FBXO11: variants seen among roughly 807,000 people sequenced by gnomAD.
FBXO11 encodes the protein F-box protein 11.
In FBXO11, 13 loss-of-function variants were observed where a neutral mutation model predicts 117.0. That is an observed-to-expected ratio of 0.11 (90% CI 0.07 to 0.18). The LOEUF (loss-of-function observed/expected upper bound fraction) is 0.18, where lower values mean the gene tolerates loss of function less well. FBXO11 is among the 10% of genes least tolerant of loss of function. The pLI is 1.00. For missense variants in FBXO11, 767 were observed against 1,164.4 expected, an observed-to-expected ratio of 0.66 and a Z score of 4.97; for synonymous variants, 490 against 380.5, an observed-to-expected ratio of 1.29 and a Z score of -3.35.
rs1228299882 is a variant in FBXO11, at chr2:47,905,831, GA to G, written c.-112del. ...AGAGTGGGAGAGGGGGGAGGAAGGA[GA>G]GGGGGCGAGGGGAAGGGGAGACGCT... On this transcript the variant is annotated 5_prime_UTR_variant, in exon 1 of 23. Transcript: ENST00000403359. 1 of 590,386 alleles carries G rather than the reference GA, an allele frequency of 1.7e-6. No individual in the cohort carries two copies. The highest frequency in any genetic ancestry group is 2.1e-5 in the African/African-American group (1 of 48,366). 36.6% of individuals were successfully genotyped at this position (590,386 alleles called of 1,614,324 possible).
chr2:47,848,492 A>G (rs1158287212), intron 1 of FBXO11, among the ~76,000 whole-genome samples: 1 of 152,244 alleles, frequency 6.6e-6, no homozygotes, highest in South Asian at 2.1e-4. Context: ...TGTCTTCCAT[A>G]AAACCAGTCA....
At chr2:47,873,984 G>T (rs1326172260) in intron 1 of FBXO11, among the ~76,000 whole-genome samples, 1 of 152,114 alleles carries the variant, frequency 6.6e-6, no homozygotes, top group African/African-American at 2.4e-5. Flanking sequence ...GGAGGCCGAG[G>T]TGGGTGGATC....
chr2:47,830,592 T>C (rs1043882546), intron 11 of FBXO11, among the ~76,000 whole-genome samples: 1 of 152,252 alleles, frequency 6.6e-6, no homozygotes, highest in Non-Finnish European at 1.5e-5. Context: ...TGAAATACTT[T>C]ATAAATCTTA....
intron 11 of FBXO11, among the ~76,000 whole-genome samples, chr2:47,830,199 C>A (rs1343025840): frequency 6.6e-6 from 1 of 151,784 alleles, no homozygotes; most frequent in Non-Finnish European, 1.5e-5. Context: ...ATCTTTCAAG[C>A]AAAGAAGAAA....
chr2:47,892,528 G>T (rs1454747995), intron 1 of FBXO11, among the ~76,000 whole-genome samples: 1 of 152,170 alleles, frequency 6.6e-6, no homozygotes, highest in Non-Finnish European at 1.5e-5. Flanking sequence ...CTCACATGAT[G>T]CAGAAATAGA....
At chr2:47,819,964 A>G (rs1346230213) in intron 14 of FBXO11, among the ~76,000 whole-genome samples, 1 of 152,248 alleles carries the variant, frequency 6.6e-6, no homozygotes, top group African/African-American at 2.4e-5. Context: ...ATATTTTAAC[A>G]TAAATTCAAA....
intron 1 of FBXO11, among the ~76,000 whole-genome samples, chr2:47,864,740 C>A (rs11693790): frequency 6.6e-6 from 1 of 152,166 alleles, no homozygotes; most frequent in Non-Finnish European, 1.5e-5. Flanking sequence ...AACTTACTCA[C>A]TAGGGCAATG....
intron 1 of FBXO11, among the ~76,000 whole-genome samples, chr2:47,884,320 T>C (rs1386436308): frequency 2.0e-5 from 3 of 152,252 alleles, no homozygotes; most frequent in African/African-American, 7.2e-5. Flanking sequence ...TTCTCTTTTC[T>C]GAATATAATC....
Position 47,807,957 on chromosome 2 carries a change from T to A in FBXO11, c.*161A>T, listed in dbSNP as rs3732187. Reference sequence around the variant, plus strand: ...ATCCTGAGTCAATATATTGCCACTTTCTTTTTGGTAGCTTGAGCTTCATAG... The same window carrying A: ...ATCCTGAGTCAATATATTGCCACTTACTTTTTGGTAGCTTGAGCTTCATAG... On this transcript the variant is annotated 3_prime_UTR_variant, in exon 23 of 23. Transcript: ENST00000403359. 3 of 657,608 alleles carry A rather than the reference T, an allele frequency of 4.6e-6. No homozygotes were observed. Among genetic ancestry groups the A allele is most frequent in the Non-Finnish European group, 7.8e-6 (3 of 386,984 alleles). 40.7% of individuals were successfully genotyped at this position (657,608 alleles called of 1,614,324 possible). A position where few individuals can be genotyped will look rare whatever the true frequency, so the allele number is the denominator to read the frequency against.
intron 1 of FBXO11, among the ~76,000 whole-genome samples, chr2:47,850,158 G>A (rs1370204833): frequency 6.6e-6 from 1 of 152,126 alleles, no homozygotes; most frequent in African/African-American, 2.4e-5. Flanking sequence ...GAGTGGGTAT[G>A]GTGGGCTGGG....
At position 47,846,610 on chromosome 2, in the gene FBXO11, T is replaced by G. The variant is rs145394432; in HGVS notation, c.233-6841A>C. Among the ~76,000 whole-genome samples the G allele has an allele frequency of 1.2e-4, 18 of 152,140 alleles. No individual in the cohort carries two copies. In the East Asian group the frequency reaches 3.5e-3, roughly 29 times the overall value. On this transcript the variant is annotated intron_variant, in intron 1 of 22. Transcript: ENST00000403359. ...TTTTAACTATAATTCACAGAAAAATTTAGTTAGAAAAAATGTTCTAGACCA... is the reference window on the plus strand; with the variant it reads ...TTTTAACTATAATTCACAGAAAAATGTAGTTAGAAAAAATGTTCTAGACCA...
chr2:47,902,253 A>G (rs1279598379), intron 1 of FBXO11, among the ~76,000 whole-genome samples: 1 of 152,224 alleles, frequency 6.6e-6, no homozygotes, highest in Non-Finnish European at 1.5e-5. Context: ...CAATTCTACT[A>G]GTACATGAAA....
chr2:47,820,813 G>A (rs1190614223), intron 13 of FBXO11, among the ~76,000 whole-genome samples: 1 of 151,912 alleles, frequency 6.6e-6, no homozygotes, highest in Admixed American at 6.5e-5. Context: ...GTTGATGTGA[G>A]TATTATATGA....
chr2:47,879,655 G>C (rs1190399352), intron 1 of FBXO11, among the ~76,000 whole-genome samples: 1 of 152,164 alleles, frequency 6.6e-6, no homozygotes, highest in African/African-American at 2.4e-5. Flanking sequence ...GCTACCCTCT[G>C]TCTATGATTA....
At chr2:47,869,013 G>A (rs996963882) in intron 1 of FBXO11, among the ~76,000 whole-genome samples, 3 of 152,216 alleles carry the variant, frequency 2.0e-5, no homozygotes, top group Non-Finnish European at 4.4e-5. Flanking sequence ...GCCTTTTGAA[G>A]ATTCAGTTAC....
chr2:47,865,993 A>C (rs970617505), intron 1 of FBXO11: 1 of 152,174 alleles, frequency 6.6e-6, no homozygotes, highest in Non-Finnish European at 1.5e-5. Flanking sequence ...GCTCATGCCT[A>C]TAATCCCAGC....
intron 5 of FBXO11, 112 bp downstream of exon 5, chr2:47,835,760 G>C (rs1672513954): frequency 2.8e-6 from 2 of 717,712 alleles, no homozygotes; most frequent in Non-Finnish European, 4.1e-6. Context: ...GGCCTCCCAA[G>C]GTGCTGGGAT....
At chr2:47,810,136 G>T in intron 19 of FBXO11, 180 bp downstream of exon 19, 1 of 549,104 alleles carries the variant, frequency 1.8e-6, no homozygotes, top group South Asian at 2.6e-5. Context: ...TAGGAGTCTG[G>T]CTTAGAGTAG....
At chr2:47,855,890 G>A (rs113002361) in intron 1 of FBXO11, among the ~76,000 whole-genome samples, 11,331 of 150,854 alleles carry the variant, frequency 0.075, 558 homozygotes, top group Non-Finnish European at 0.11. Context: ...AGAAAAAGCT[G>A]TATTGCCTGG....
Sources: allele counts gnomAD v4.1 joint callset (sites outside exome capture counted in the v4.1 genomes callset), GRCh38; gene constraint gnomAD v4.1.1; transcripts MANE v1.5; gene names NCBI Gene and HGNC (gene_info 2026-07-23, HGNC 2026-07-21).